Variants in VPS13A observed in about 807,000 individuals in gnomAD.
VPS13A encodes the protein intermembrane lipid transfer protein VPS13A.
A neutral mutation model predicts 390.9 loss-of-function variants in VPS13A; 264 were observed. The ratio of observed to expected loss-of-function variants is 0.68; its 90% CI spans 0.61 to 0.75. The LOEUF is 0.75. Among genes scored for constraint, VPS13A ranks in the 30% least tolerant of loss-of-function variants. The probability of loss-of-function intolerance (pLI) is 0.00; values close to 1 mark genes in which losing one functional copy is unlikely to be tolerated. For synonymous variants in VPS13A, 1,231 were observed against 1,227.1 expected, an observed-to-expected ratio of 1.00 and a Z score of -0.07; for missense variants, 3,409 against 3,733.9, an observed-to-expected ratio of 0.91 and a Z score of 2.27.
chr9:77,189,973 A>G (rs62573161), intron 1 of VPS13A, among the ~76,000 whole-genome samples: 259 of 152,250 alleles, frequency 1.7e-3, no homozygotes, highest in Admixed American at 3.6e-3. Context: ...AGTTGGTTGA[A>G]GTTATTAGTT....
intron 22 of VPS13A, among the ~76,000 whole-genome samples, chr9:77,253,611 TGA>T (rs1052231806): frequency 1.3e-5 from 2 of 152,174 alleles, no homozygotes; most frequent in African/African-American, 4.8e-5. Flanking sequence ...GGCTGAGTTG[TGA>T]GAGTTTTAAA....
intron 71 of VPS13A, among the ~76,000 whole-genome samples, chr9:77,411,351 T>G (rs1031141392): frequency 6.6e-6 from 1 of 151,904 alleles, no homozygotes; most frequent in East Asian, 1.9e-4. Context: ...AATCTAAAAT[T>G]GACACCCTAA....
chr9:77,385,322 TTTATGTC>T (rs1199967863), intron 68 of VPS13A: 1 of 383,002 alleles, frequency 2.6e-6, no homozygotes, highest in Non-Finnish European at 3.6e-6. Flanking sequence ...AGACCGTTCT[TTTATGTC>T]TTTGCTTTAC....
intron 10 of VPS13A, among the ~76,000 whole-genome samples, chr9:77,218,850 C>T (rs998797787): frequency 2.6e-5 from 4 of 152,050 alleles, no homozygotes; most frequent in Non-Finnish European, 5.9e-5. Context: ...TGTGTAATTG[C>T]TCAGCAGCAT....
At chr9:77,181,756 T>C (rs982047729) in intron 1 of VPS13A, among the ~76,000 whole-genome samples, 7 of 152,156 alleles carry the variant, frequency 4.6e-5, no homozygotes, top group African/African-American at 1.7e-4. Context: ...TCTTTGGAAA[T>C]CAGAATGCAT....
At position 77,213,230 on chromosome 9, in the gene VPS13A, T is replaced by G. The variant is rs1168753864; in HGVS notation, c.616-4T>G. ...ATGAGACATCTAATAAATTTTATTT[T>G]CAGTTAATCCGATTGGATAACCTGT... On this transcript the variant is annotated splice_polypyrimidine_tract_variant and splice_region_variant and intron_variant, in intron 8 of 71. Transcript: ENST00000360280. 6.2e-6 allele frequency: 10 copies of G among 1,612,784 alleles called. No homozygotes were observed. In the South Asian group the frequency reaches 1.1e-4, roughly 18 times the overall value.
At chr9:77,377,292 T>C (rs1833151921) in intron 67 of VPS13A, among the ~76,000 whole-genome samples, 3 of 136,324 alleles carry the variant, frequency 2.2e-5, no homozygotes, top group African/African-American at 8.2e-5. Flanking sequence ...CAATCTCGGC[T>C]CACTGCAAGC....
chr9:77,322,372 A>G (rs1829797742), intron 44 of VPS13A, among the ~76,000 whole-genome samples: 1 of 151,802 alleles, frequency 6.6e-6, no homozygotes, highest in South Asian at 2.1e-4. Flanking sequence ...ACTTTTTGAT[A>G]CTCTGGCATT....
intron 23 of VPS13A, among the ~76,000 whole-genome samples, chr9:77,260,442 G>A (rs553642132): frequency 7.1e-6 from 1 of 140,138 alleles, no homozygotes; most frequent in Non-Finnish European, 1.5e-5. Context: ...TGCAAGCTCC[G>A]CCTCCCAGGC....
At chr9:77,375,597 A>G (rs1833023694) in intron 67 of VPS13A, among the ~76,000 whole-genome samples, 1 of 152,234 alleles carries the variant, frequency 6.6e-6, no homozygotes, top group Non-Finnish European at 1.5e-5. Flanking sequence ...TACTCAGTTC[A>G]TAAAATAGCC....
At chr9:77,268,633 C>T (rs888891669) in intron 23 of VPS13A, among the ~76,000 whole-genome samples, 1 of 152,030 alleles carries the variant, frequency 6.6e-6, no homozygotes, top group African/African-American at 2.4e-5. Flanking sequence ...AGTTTTATCC[C>T]CAGTCTGTTA....
At chr9:77,305,098 C>A (rs999430732) in intron 34 of VPS13A, among the ~76,000 whole-genome samples, 1 of 152,038 alleles carries the variant, frequency 6.6e-6, no homozygotes, top group Non-Finnish European at 1.5e-5. Context: ...GCCACCGCGC[C>A]CGGCTAATTT....
chr9:77,326,568 T>C (rs1021007329), intron 45 of VPS13A, among the ~76,000 whole-genome samples: 6 of 152,090 alleles, frequency 3.9e-5, no homozygotes, highest in African/African-American at 1.4e-4. Flanking sequence ...GTAGTCTGGA[T>C]TTTTTTGTTT....
chr9:77,331,839 C>T (rs1243426259), intron 45 of VPS13A, among the ~76,000 whole-genome samples, 171 bp from the exon 46 acceptor site: 1 of 151,716 alleles, frequency 6.6e-6, no homozygotes, highest in Non-Finnish European at 1.5e-5. Flanking sequence ...AGAGATTTTT[C>T]TTGTATGTTT....
At chr9:77,186,077 C>T (rs986743209) in intron 1 of VPS13A, among the ~76,000 whole-genome samples, 1 of 152,120 alleles carries the variant, frequency 6.6e-6, no homozygotes, top group African/African-American at 2.4e-5. Context: ...GAGATTGTGC[C>T]ACTTCACTCT....
In VPS13A at chr9:77,370,178, T is replaced by C. The variant is rs1458999992; in HGVS notation, c.8668-79T>C. 18 of 1,507,412 alleles carry C rather than the reference T, an allele frequency of 1.2e-5. No homozygotes were observed. In the East Asian group the frequency reaches 3.2e-4, roughly 27 times the overall value. 93.4% of individuals were successfully genotyped at this position (1,507,412 alleles called of 1,614,324 possible). ...TTATCCATTTTTGTTACTACCTCTT[T>C]CGTCGTATATATCCGTAAGCTCATC... is the stretch of plus-strand genomic sequence containing the variant. On this transcript the variant is annotated intron_variant, in intron 63 of 71. Coordinates refer to ENST00000360280, the MANE Select transcript of VPS13A (RefSeq NM_033305.3).
intron 31 of VPS13A, among the ~76,000 whole-genome samples, chr9:77,289,147 G>A (rs1412284866): frequency 1.3e-5 from 2 of 152,070 alleles, no homozygotes; most frequent in South Asian, 2.1e-4. Flanking sequence ...GCCCAGGGTG[G>A]TCTTGAACTC....
intron 62 of VPS13A, among the ~76,000 whole-genome samples, chr9:77,369,016 C>T (rs1330909860): frequency 6.6e-6 from 1 of 152,062 alleles, no homozygotes; most frequent in African/African-American, 2.4e-5. Context: ...TGCCTGTAGT[C>T]CCAGCTTGGG....
Position 77,283,412 on chromosome 9 carries a change from C to T in VPS13A, c.3176C>T (p.Ser1059Leu), listed in dbSNP as rs753800803. Residue 1059 changes from serine to leucine, a missense_variant, in exon 30 of 72, where the codon TCG becomes TTG. This residue lies in a region of VPS13A where 2,717 missense variants were observed against 2,917.4 expected (regional missense o/e 0.93). Coordinates refer to ENST00000360280, the MANE Select transcript of VPS13A (RefSeq NM_033305.3). ...ACTTTGCAGATTTTAGCAGAATTAT[C>T]GTGTTTACAGATCTTTATTCAAGAT... is the stretch of plus-strand genomic sequence containing the variant. The part of the protein sequence containing the change: ...IITLQILAEL[S>L]CLQIFIQDQK... The T allele has an allele frequency of 6.8e-6, 11 of 1,608,622 alleles. No homozygotes were observed. The highest frequency in any genetic ancestry group is 2.2e-5 in the South Asian group (2 of 90,758).
Sources: allele counts gnomAD v4.1 joint callset (sites outside exome capture counted in the v4.1 genomes callset), GRCh38; gene constraint gnomAD v4.1.1; regional missense constraint gnomAD v4.1.1; transcripts MANE v1.5; gene names NCBI Gene and HGNC (gene_info 2026-07-23, HGNC 2026-07-21).